The following PHIP variants were observed in gnomAD, a reference collection of about 807,000 sequenced individuals.
The protein encoded by PHIP is PHIP subunit of CUL4-Ring ligase complex, also known as PH-interacting protein.
In PHIP, 54 loss-of-function variants were observed where a neutral mutation model predicts 236.8. The ratio of observed to expected loss-of-function variants is 0.23; its 90% confidence interval spans 0.18 to 0.29. PHIP has a LOEUF of 0.29. Ranked by LOEUF, PHIP falls within the 10% of genes least tolerant of loss-of-function variation. The probability of loss-of-function intolerance (pLI) is 1.00; values close to 1 mark genes in which losing one functional copy is unlikely to be tolerated. For missense variants in PHIP, 1,370 were observed against 2,190.8 expected (o/e 0.63, Z 7.48); for synonymous variants, 756 against 718.9 (o/e 1.05, Z -0.83).
intron 22 of PHIP, among the ~76,000 whole-genome samples, chr6:78,983,744 C>T (rs759502017): frequency 6.6e-5 from 10 of 152,158 alleles, no homozygotes; most frequent in South Asian, 2.1e-4. Context: ...ACACCCTACA[C>T]GTTAGGTGTA....
rs377297581 is a variant in PHIP at position 79,024,732 on chromosome 6, G to A, written c.923+787C>T. On this transcript the variant is annotated intron_variant, in intron 9 of 39. Coordinates refer to ENST00000275034, the MANE Select transcript of PHIP (RefSeq NM_017934.7). ...AGGCAGGAGAATGGTGTGAACCCGG[G>A]AGGCAGAGCTTGCAGTGAGCTGAGA... is the stretch of plus-strand genomic sequence containing the variant. Among the ~76,000 whole-genome samples, 18 of 152,274 alleles carry A rather than the reference G, an allele frequency of 1.2e-4. No individual in the cohort carries two copies. The East Asian group carries it at 2.9e-3, about 25-fold the overall frequency.
At chr6:79,075,633 TG>T (rs1162655836) in intron 4 of PHIP, among the ~76,000 whole-genome samples, 1 of 129,876 alleles carries the variant, frequency 7.7e-6, no homozygotes, top group Non-Finnish European at 1.6e-5. Context: ...TCATTTTTAC[TG>T]AAAAAAAAAA....
intron 7 of PHIP, among the ~76,000 whole-genome samples, chr6:79,032,020 A>T (rs1209115420): frequency 6.6e-6 from 1 of 152,202 alleles, no homozygotes; most frequent in Non-Finnish European, 1.5e-5. Flanking sequence ...CAAACCACAC[A>T]AATTTTTTGG....
At chr6:79,001,695 A>C (rs1193078311) in intron 17 of PHIP, among the ~76,000 whole-genome samples, 1 of 152,122 alleles carries the variant, frequency 6.6e-6, no homozygotes, top group Non-Finnish European at 1.5e-5. Flanking sequence ...AATGGATAAT[A>C]AATCAAAATT....
At chr6:79,075,814 G>T (rs906956822) in intron 4 of PHIP, among the ~76,000 whole-genome samples, 1 of 152,074 alleles carries the variant, frequency 6.6e-6, no homozygotes, top group African/African-American at 2.4e-5. Context: ...AGATGTAAAA[G>T]CAGATGCAAA....
intron 35 of PHIP, among the ~76,000 whole-genome samples, chr6:78,949,817 T>C (rs1023089721): frequency 3.9e-5 from 6 of 152,090 alleles, no homozygotes; most frequent in Non-Finnish European, 7.4e-5. Flanking sequence ...GCCTCATTAG[T>C]AGCTTGAACT....
chr6:79,049,977 A>AC (rs1772705297), intron 6 of PHIP, among the ~76,000 whole-genome samples: 1 of 151,952 alleles, frequency 6.6e-6, no homozygotes, highest in African/African-American at 2.4e-5. Flanking sequence ...TATGAGGGTA[A>AC]AAAAAAATTG....
At chr6:79,076,426 G>GC (rs1485876380) in intron 4 of PHIP, among the ~76,000 whole-genome samples, 2 of 152,112 alleles carry the variant, frequency 1.3e-5, no homozygotes, top group East Asian at 1.9e-4. Flanking sequence ...TGCTTTAACT[G>GC]CCCCACACAC....
chr6:79,005,742 A>G (rs1230764269), intron 15 of PHIP, among the ~76,000 whole-genome samples: 1 of 152,056 alleles, frequency 6.6e-6, no homozygotes, highest in Non-Finnish European at 1.5e-5. Flanking sequence ...TAGCAATTTC[A>G]AAGGAAATCT....
At chr6:79,025,444 C>T (rs1424955547) in intron 9 of PHIP, 75 bp downstream of exon 9, 8 of 810,380 alleles carry the variant, frequency 9.9e-6, no homozygotes, top group South Asian at 4.6e-5. Context: ...TTCCTATTGT[C>T]GACTACTTTA....
At chr6:78,990,517 C>T (rs1056192459) in intron 20 of PHIP, among the ~76,000 whole-genome samples, 1 of 151,794 alleles carries the variant, frequency 6.6e-6, no homozygotes, top group East Asian at 1.9e-4. Context: ...TGCAAGACAC[C>T]ACAAAAACAC....
At chr6:79,075,903 A>C (rs1774135367) in intron 4 of PHIP, among the ~76,000 whole-genome samples, 1 of 152,176 alleles carries the variant, frequency 6.6e-6, no homozygotes, top group Non-Finnish European at 1.5e-5. Context: ...ATATCAAGGA[A>C]GACATGTAAA....
intron 15 of PHIP, among the ~76,000 whole-genome samples, chr6:79,012,140 T>C (rs1477088284): frequency 2.0e-5 from 3 of 151,770 alleles, no homozygotes; most frequent in African/African-American, 7.2e-5. Context: ...TGCTGATGAA[T>C]ACAAAATACT....
chr6:79,067,212 AT>A (rs1223949823), intron 4 of PHIP, among the ~76,000 whole-genome samples: 2 of 152,046 alleles, frequency 1.3e-5, no homozygotes, highest in East Asian at 3.9e-4. Flanking sequence ...TGAACAAAAC[AT>A]TTTCTCTCCT....
At chr6:79,066,599 C>T (rs1406922997) in intron 4 of PHIP, among the ~76,000 whole-genome samples, 6 of 151,864 alleles carry the variant, frequency 4.0e-5, no homozygotes, top group Non-Finnish European at 7.4e-5. Flanking sequence ...TTAAACTGAG[C>T]CAGAAAAAGA....
Position 79,019,175 on chromosome 6 carries a change from T to C in PHIP, c.924-16A>G, listed in dbSNP as rs1265670054. 1 of 1,581,712 alleles carries C rather than the reference T, an allele frequency of 6.3e-7. No individual in the cohort carries two copies. The highest frequency in any genetic ancestry group is 1.3e-5 in the African/African-American group (1 of 74,182). On this transcript the variant is annotated splice_polypyrimidine_tract_variant and intron_variant, in intron 9 of 39. Transcript: ENST00000275034. The stretch of plus-strand genomic sequence containing the variant: ...AGGTCTTGGGCTGTAATACAAAAAA[T>C]AAAGAATTAAAAATATCCTAAAGGA...
At chr6:79,064,327 C>T (rs1224653882) in intron 4 of PHIP, among the ~76,000 whole-genome samples, 1 of 152,148 alleles carries the variant, frequency 6.6e-6, no homozygotes, top group African/African-American at 2.4e-5. Context: ...TGCCTAACTG[C>T]TATTATCCAA....
chr6:79,025,094 G>A (rs1771329917), intron 9 of PHIP, among the ~76,000 whole-genome samples: 1 of 152,052 alleles, frequency 6.6e-6, no homozygotes, highest in Non-Finnish European at 1.5e-5. Flanking sequence ...CAATGATTCT[G>A]TCTCCCTACA....
At chr6:79,076,690 C>A (rs1440040787) in intron 4 of PHIP, among the ~76,000 whole-genome samples, 2 of 152,004 alleles carry the variant, frequency 1.3e-5, no homozygotes, top group Admixed American at 6.5e-5. Context: ...GGACAAAAAT[C>A]AAAACTCTTC....
Sources: gnomAD v4.1 joint callset for allele counts (sites outside exome capture counted in the v4.1 genomes callset) on GRCh38, gnomAD v4.1.1 for gene constraint, MANE v1.5 for transcripts, NCBI Gene and HGNC (gene_info 2026-07-23, HGNC 2026-07-21) for gene names.